Variants in ILDR2 observed in about 807,000 individuals in gnomAD.
ILDR2 encodes the protein immunoglobulin like domain containing receptor 2.
A neutral mutation model predicts 66.8 loss-of-function variants in ILDR2; 25 were observed. That is an observed-to-expected ratio of 0.37 (90% CI 0.27 to 0.52). The LOEUF (loss-of-function observed/expected upper bound fraction) is 0.52. Ranked by LOEUF, ILDR2 falls within the 20% of genes least tolerant of loss-of-function variation. The pLI is 0.88. For missense variants in ILDR2, 827 were observed against 876.8 expected, an observed-to-expected ratio of 0.94 and a Z score of 0.72; for synonymous variants, 367 against 357.2, an observed-to-expected ratio of 1.03 and a Z score of -0.31.
At chr1:166,958,366 G>T (rs1367480052) in intron 1 of ILDR2, among the ~76,000 whole-genome samples, 1 of 152,100 alleles carries the variant, frequency 6.6e-6, no homozygotes, top group Admixed American at 6.5e-5. Flanking sequence ...ATGGGGGTGG[G>T]TTTCCCCTGT....
In ILDR2 at chr1:166,909,770, A is replaced by AATATATATAAATATAT. The variant is rs1491310704; in HGVS notation, c.*9584_*9585insATATATTTATATATAT. The AATATATATAAATATAT allele has an allele frequency of 9.1e-5, 6 of 66,236 alleles. No individual in the cohort carries two copies. The highest frequency in any genetic ancestry group is 1.6e-4 in the Non-Finnish European group (6 of 38,176). The allele number at this position is 66,236 out of a possible 1,614,324, so 4.1% of individuals were successfully genotyped here. A position where few individuals can be genotyped will look rare whatever the true frequency, so the allele number is the denominator to read the frequency against. ...ATATATATATATATAAATATATATA[A>AATATATATAAATATAT]ATATATATATTTATATATATATATA... is the stretch of plus-strand genomic sequence containing the variant. On this transcript the variant is annotated 3_prime_UTR_variant, in exon 10 of 10. Transcript: ENST00000271417.
intron 1 of ILDR2, among the ~76,000 whole-genome samples, chr1:166,958,704 C>A (rs773668690): frequency 3.9e-5 from 6 of 152,194 alleles, no homozygotes; most frequent in Non-Finnish European, 7.3e-5. Context: ...CTCTTAACAT[C>A]TTTAATATTT....
chr1:166,926,308 G>A (rs1660286061), intron 7 of ILDR2, among the ~76,000 whole-genome samples: 1 of 152,050 alleles, frequency 6.6e-6, no homozygotes, highest in South Asian at 2.1e-4. Context: ...TACATAAGTT[G>A]GAATCCACCC....
intron 1 of ILDR2, among the ~76,000 whole-genome samples, chr1:166,963,918 T>C (rs1204616885): frequency 6.6e-6 from 1 of 152,108 alleles, no homozygotes; most frequent in Non-Finnish European, 1.5e-5. Flanking sequence ...GTCCAGGCAC[T>C]GGTAACACCA....
At chr1:166,963,732 T>C (rs2102005202) in intron 1 of ILDR2, among the ~76,000 whole-genome samples, 1 of 152,302 alleles carries the variant, frequency 6.6e-6, no homozygotes, top group East Asian at 1.9e-4. Flanking sequence ...GCTCCAGCCA[T>C]ACTGAAATAT....
At chr1:166,945,024 T>C (rs1473647618) in intron 3 of ILDR2, among the ~76,000 whole-genome samples, 1 of 152,200 alleles carries the variant, frequency 6.6e-6, no homozygotes, top group East Asian at 1.9e-4. Flanking sequence ...TTGTTCAATA[T>C]GCAGGGTTTC....
At chr1:166,927,002 C>G in intron 7 of ILDR2, 65 bp downstream of exon 7, 1 of 1,204,482 alleles carries the variant, frequency 8.3e-7, no homozygotes, top group Non-Finnish European at 1.2e-6. Flanking sequence ...TGGTGACCCC[C>G]AAATCCCCTT....
At chr1:166,900,864 T>C (rs1405374499) in intron 2 of ILDR2, among the ~76,000 whole-genome samples, 1 of 152,224 alleles carries the variant, frequency 6.6e-6, no homozygotes, top group African/African-American at 2.4e-5. Flanking sequence ...GTTACTTTTA[T>C]ATTAAAACTC....
At chr1:166,938,326 A>G (rs1661107059) in intron 4 of ILDR2, among the ~76,000 whole-genome samples, 1 of 152,230 alleles carries the variant, frequency 6.6e-6, no homozygotes, top group African/African-American at 2.4e-5. Flanking sequence ...ACAAAAGAAT[A>G]TTATCTGTGA....
chr1:166,967,164 G>A (rs927913046), intron 1 of ILDR2, among the ~76,000 whole-genome samples: 16 of 152,290 alleles, frequency 1.1e-4, no homozygotes, highest in South Asian at 6.2e-4. Flanking sequence ...TGTGTGTAAC[G>A]TCTGGGCCAC....
chr1:166,950,184 G>T (rs1036351963), intron 3 of ILDR2, among the ~76,000 whole-genome samples: 4 of 152,258 alleles, frequency 2.6e-5, no homozygotes, highest in East Asian at 3.9e-4. Context: ...TCTCCCTTCT[G>T]CCAGGAGTAA....
chr1:166,942,441 T>C (rs1486796531), intron 3 of ILDR2, among the ~76,000 whole-genome samples: 1 of 152,150 alleles, frequency 6.6e-6, no homozygotes, highest in Non-Finnish European at 1.5e-5. Flanking sequence ...GTCTTCAGGG[T>C]TTCAGATCAT....
At chr1:166,923,528 T>C (rs1030614127) in intron 7 of ILDR2, among the ~76,000 whole-genome samples, 11 of 152,218 alleles carry the variant, frequency 7.2e-5, no homozygotes, top group Admixed American at 2.6e-4. Flanking sequence ...AAAAAAGTTT[T>C]CCAGGGGTAT....
intron 1 of ILDR2, among the ~76,000 whole-genome samples, chr1:166,958,600 C>G (rs1662424933): frequency 6.6e-6 from 1 of 152,126 alleles, no homozygotes; most frequent in Admixed American, 6.5e-5. Context: ...CACAAATTAC[C>G]CAGTCTCAGA....
intron 3 of ILDR2, among the ~76,000 whole-genome samples, chr1:166,955,451 A>C (rs1321100062): frequency 6.6e-6 from 1 of 152,118 alleles, no homozygotes; most frequent in Non-Finnish European, 1.5e-5. Context: ...CTACTAAAAA[A>C]TACAAAAACT....
Position 166,909,760 on chromosome 1 carries a change from A to ATATAT in ILDR2, c.*9594_*9595insATATA, listed in dbSNP as rs1557921285. 7.7e-4 allele frequency: 48 copies of ATATAT among 62,734 alleles called. No homozygotes were observed. Among genetic ancestry groups the ATATAT allele is most frequent in the African/African-American group, 3.4e-3 (42 of 12,362 alleles). The allele number at this position is 62,734 out of a possible 1,614,324, so 3.9% of individuals were successfully genotyped here. A position where few individuals can be genotyped will look rare whatever the true frequency, so the allele number is the denominator to read the frequency against. The stretch of plus-strand genomic sequence containing the variant: ...ACATATATATATATATATATATATA[A>ATATAT]ATATATATAAATATATATATTTATA... On this transcript the variant is annotated 3_prime_UTR_variant, in exon 10 of 10. Coordinates refer to ENST00000271417, the MANE Select transcript of ILDR2 (RefSeq NM_199351.3).
At position 166,936,866 on chromosome 1, in the gene ILDR2, GGA is replaced by G. The variant is rs2101906316; in HGVS notation, c.557-131_557-130del. The G allele has an allele frequency of 2.4e-6, 2 of 844,908 alleles. No individual in the cohort carries two copies. Among genetic ancestry groups the G allele is most frequent in the East Asian group, 5.3e-5 (2 of 37,696 alleles). The allele number at this position is 844,908 out of a possible 1,614,324, so 52.3% of individuals were successfully genotyped here. A position where few individuals can be genotyped will look rare whatever the true frequency, so the allele number is the denominator to read the frequency against. ...CTAGGGAAGAAAGCTTCTCTTAACAGGAGACAGAGCCCCAACACTCAAGAGGA... is the reference window on the plus strand; with the variant it reads ...CTAGGGAAGAAAGCTTCTCTTAACAGGACAGAGCCCCAACACTCAAGAGGA... On this transcript the variant is annotated intron_variant, in intron 4 of 9. Coordinates refer to ENST00000271417, the MANE Select transcript of ILDR2 (RefSeq NM_199351.3). This position sits in a 1 kb window ranked among gnomAD's most constrained non-coding sequence, Gnocchi z 5.0.
chr1:166,897,266 T>C (rs1003252155), intron 2 of ILDR2, among the ~76,000 whole-genome samples: 1 of 152,146 alleles, frequency 6.6e-6, no homozygotes, highest in Non-Finnish European at 1.5e-5. Flanking sequence ...GAGGGGAAGT[T>C]GGCGTGGCTT....
chr1:166,970,410 T>TA lies in ILDR2; in HGVS notation c.46+4812dup, dbSNP rs577410963. ...AAGGAATCATGTACCTGTCACTCTT[T>TA]AGCTTTCATTTACAACTCATCAAAT... On this transcript the variant is annotated intron_variant, in intron 1 of 9. Transcript: ENST00000271417. 3.9e-5 allele frequency among the ~76,000 whole-genome samples: 6 copies of TA among 152,342 alleles called. No homozygotes were observed. In the South Asian group the frequency reaches 1.2e-3, roughly 32 times the overall value.
Sources: gnomAD v4.1 joint callset for allele counts (sites outside exome capture counted in the v4.1 genomes callset) on GRCh38, gnomAD v4.1.1 for gene constraint, Gnocchi (gnomAD v3.1) non-coding constraint, MANE v1.5 for transcripts, NCBI Gene and HGNC (gene_info 2026-07-23, HGNC 2026-07-21) for gene names.